Variants in SLC1A1 observed in about 807,000 individuals in gnomAD.
The protein encoded by SLC1A1 is solute carrier family 1 member 1.
A neutral mutation model predicts 53.3 loss-of-function variants in SLC1A1; 43 were observed. The observed-to-expected ratio is 0.81, with a 90% confidence interval of 0.63 to 1.04. The LOEUF is 1.04. Among genes scored for constraint, SLC1A1 ranks in the 50% least tolerant of loss-of-function variants. The pLI is 0.00. For missense variants in SLC1A1, 748 were observed against 664.9 expected (o/e 1.12, Z -1.37); for synonymous variants, 307 against 243.2 (o/e 1.26, Z -2.44).
chr9:4,580,186 G>T (rs984512564), intron 10 of SLC1A1, among the ~76,000 whole-genome samples: 4 of 151,374 alleles, frequency 2.6e-5, no homozygotes, highest in South Asian at 2.1e-4. Flanking sequence ...AACTGAGATG[G>T]CGCCACTGCA....
At chr9:4,545,803 A>G (rs190693716) in intron 2 of SLC1A1, among the ~76,000 whole-genome samples, 1 of 152,342 alleles carries the variant, frequency 6.6e-6, no homozygotes, top group Admixed American at 6.5e-5. Flanking sequence ...TTCCTTAGGT[A>G]GATAGAGATG....
At chr9:4,528,664 G>A (rs1174508548) in intron 1 of SLC1A1, among the ~76,000 whole-genome samples, 1 of 152,156 alleles carries the variant, frequency 6.6e-6, no homozygotes, top group Non-Finnish European at 1.5e-5. Context: ...AGTAAAATTG[G>A]TTGAGGATCT....
At chr9:4,526,558 G>A (rs972233662) in intron 1 of SLC1A1, among the ~76,000 whole-genome samples, 10 of 152,188 alleles carry the variant, frequency 6.6e-5, no homozygotes, top group Admixed American at 3.9e-4. Flanking sequence ...CAACCATAAT[G>A]TTTTATTTGG....
chr9:4,573,803 A>C (rs1820290401), intron 7 of SLC1A1, 104 bp from the exon 8 acceptor site: 1 of 802,300 alleles, frequency 1.2e-6, no homozygotes, highest in Non-Finnish European at 2.3e-6. Context: ...CCAAGTGTGC[A>C]TGCCAAGCTG....
chr9:4,504,193 ATC>A (rs560774791), intron 1 of SLC1A1, among the ~76,000 whole-genome samples: 136 of 152,340 alleles, frequency 8.9e-4, no homozygotes, highest in African/African-American at 3.0e-3. Context: ...TGGAAGATCC[ATC>A]TCTTTTTCCA....
At chr9:4,555,107 G>A (rs1818252011) in intron 2 of SLC1A1, among the ~76,000 whole-genome samples, 1 of 152,218 alleles carries the variant, frequency 6.6e-6, no homozygotes, top group Non-Finnish European at 1.5e-5. Context: ...GAGTCTGGGA[G>A]GAGGCTGGGA....
At position 4,585,925 on chromosome 9, in the gene SLC1A1, C is replaced by T; in HGVS notation, c.*367C>T. 29 of 198,712 alleles carry T rather than the reference C, an allele frequency of 1.5e-4. No individual in the cohort carries two copies. Among genetic ancestry groups the T allele is most frequent in the South Asian group, 7.5e-4 (8 of 10,716 alleles). 12.3% of individuals were successfully genotyped at this position (198,712 alleles called of 1,614,324 possible). On this transcript the variant is annotated 3_prime_UTR_variant, in exon 12 of 12. Transcript: ENST00000262352. ...GTTTTGGGTTTTTAAAAAAAATATT[C>T]TGTCATTGGTTACAAATTTTTACTC...
At chr9:4,541,529 T>C (rs1187628241) in intron 1 of SLC1A1, among the ~76,000 whole-genome samples, 2 of 152,128 alleles carry the variant, frequency 1.3e-5, no homozygotes, top group Non-Finnish European at 2.9e-5. Context: ...AGAGGGAGGC[T>C]AGTCTATAAT....
intron 10 of SLC1A1, among the ~76,000 whole-genome samples, chr9:4,580,355 C>T (rs540360005): frequency 3.9e-5 from 6 of 152,144 alleles, no homozygotes; most frequent in South Asian, 4.1e-4. Context: ...CCAAGGCGGG[C>T]GGATCACTTT....
chr9:4,490,908 C>A (rs1337321453), intron 1 of SLC1A1, 138 bp downstream of exon 1: 5 of 700,542 alleles, frequency 7.1e-6, no homozygotes, highest in South Asian at 1.8e-5. Flanking sequence ...TAGCCTCGGG[C>A]CCCCTGCGGG....
At chr9:4,559,689 G>A (rs1171316195) in intron 2 of SLC1A1, 2 of 152,076 alleles carry the variant, frequency 1.3e-5, no homozygotes, top group Non-Finnish European at 2.9e-5. Flanking sequence ...CTGTACCTTA[G>A]GCTTTGCAAA....
intron 9 of SLC1A1, 119 bp from the exon 10 acceptor site, chr9:4,576,450 C>T: frequency 1.2e-6 from 1 of 840,210 alleles, no homozygotes; most frequent in South Asian, 1.4e-5. Context: ...CTTTACTTTT[C>T]TCGACAAGAT....
intron 1 of SLC1A1, among the ~76,000 whole-genome samples, chr9:4,523,560 C>T (rs975155811): frequency 6.6e-6 from 1 of 152,152 alleles, no homozygotes; most frequent in South Asian, 2.1e-4. Context: ...TTAATTTGGT[C>T]ATACCAAAAA....
At chr9:4,531,163 A>G (rs565572680) in intron 1 of SLC1A1, among the ~76,000 whole-genome samples, 2 of 152,174 alleles carry the variant, frequency 1.3e-5, no homozygotes, top group Non-Finnish European at 2.9e-5. Flanking sequence ...TGCATTTCCA[A>G]CTGAGATACC....
At chr9:4,538,648 T>A (rs188918164) in intron 1 of SLC1A1, among the ~76,000 whole-genome samples, 3 of 152,218 alleles carry the variant, frequency 2.0e-5, no homozygotes, top group Admixed American at 6.5e-5. Flanking sequence ...ATATTGCCAG[T>A]ATAGTAAATA....
At chr9:4,580,597 A>ATGTG (rs1465711241) in intron 10 of SLC1A1, among the ~76,000 whole-genome samples, 2 of 53,680 alleles carry the variant, frequency 3.7e-5, no homozygotes, top group Non-Finnish European at 6.7e-5. Context: ...AAAAAAAAAT[A>ATGTG]TATATGTGTG....
intron 1 of SLC1A1, among the ~76,000 whole-genome samples, chr9:4,518,193 C>G (rs960399148): frequency 7.6e-6 from 1 of 131,676 alleles, no homozygotes; most frequent in South Asian, 2.5e-4. Flanking sequence ...CGAGATCTCA[C>G]CATTGCACTC....
intron 8 of SLC1A1, among the ~76,000 whole-genome samples, chr9:4,575,200 A>G (rs1056988492): frequency 1.3e-5 from 2 of 152,174 alleles, no homozygotes; most frequent in African/African-American, 4.8e-5. Context: ...TCCAGGATCT[A>G]TATTTTTGAT....
Position 4,583,116 on chromosome 9 carries a change from T to C in SLC1A1, c.1272T>C (p.Ser424=), listed in dbSNP as rs753057358. The C allele has an allele frequency of 6.2e-6, 10 of 1,614,068 alleles. No homozygotes were observed. In the South Asian group the frequency reaches 6.6e-5, roughly 11 times the overall value. The change falls in exon 11 of 12, where the codon AGT becomes AGC. Residue 424 remains serine (S), a synonymous_variant. Coordinates refer to ENST00000262352, the MANE Select transcript of SLC1A1 (RefSeq NM_004170.6). The surrounding 1 kb of genome is among the most constrained non-coding windows in gnomAD (Gnocchi z 4.6). ...TGGTGACCATGGTGATTGTGCTGAG[T>C]GCCGTGGGCCTGCCCGCCGAGGATG... is the stretch of plus-strand genomic sequence containing the variant. The part of the protein sequence containing the change: ...AGLVTMVIVL[S]AVGLPAEDVT...
Sources: gnomAD v4.1 joint callset for allele counts (sites outside exome capture counted in the v4.1 genomes callset) on GRCh38, gnomAD v4.1.1 for gene constraint, Gnocchi (gnomAD v3.1) non-coding constraint, MANE v1.5 for transcripts, NCBI Gene and HGNC (gene_info 2026-07-23, HGNC 2026-07-21) for gene names.